DCBLD1: variants seen among roughly 807,000 people sequenced by gnomAD.
The protein encoded by DCBLD1 is discoidin, CUB and LCCL domain containing 1.
A neutral mutation model predicts 71.5 loss-of-function variants in DCBLD1; 57 were observed. The ratio of observed to expected loss-of-function variants is 0.80; its 90% CI spans 0.64 to 0.99. The LOEUF (loss-of-function observed/expected upper bound fraction) is 0.99. Ranked by LOEUF, DCBLD1 falls within the 50% of genes least tolerant of loss-of-function variation. The pLI, the probability that DCBLD1 is intolerant of heterozygous loss-of-function variation, is 0.00. For missense variants in DCBLD1, 891 were observed against 923.5 expected (o/e 0.96, Z 0.46); for synonymous variants, 380 against 363.8 (o/e 1.04, Z -0.51).
intron 1 of DCBLD1, among the ~76,000 whole-genome samples, chr6:117,488,937 G>A (rs927999051): frequency 3.3e-5 from 5 of 152,086 alleles, no homozygotes; most frequent in Non-Finnish European, 7.4e-5. Context: ...ATTTCTACTT[G>A]ATTTATTAAT....
intron 6 of DCBLD1, among the ~76,000 whole-genome samples, chr6:117,536,358 G>A (rs77106484): frequency 9.0e-4 from 137 of 152,282 alleles, no homozygotes; most frequent in Non-Finnish European, 1.5e-3. Flanking sequence ...TTCGTTCTCT[G>A]TATTTTTCAT....
At chr6:117,494,724 G>A (rs1295394404) in intron 1 of DCBLD1, 2 of 152,076 alleles carry the variant, frequency 1.3e-5, no homozygotes, top group Non-Finnish European at 2.9e-5. Context: ...TTTGAATCAA[G>A]TCACATAATA....
rs1778296377 is a variant in DCBLD1, at chr6:117,518,951, A to G, written c.326-865A>G. Reference sequence around the variant, plus strand: ...TTTCTTTTATTCTTCTTCCTTCATCATGATTGTTGTTGCCGCTGACTATTT... The same window carrying G: ...TTTCTTTTATTCTTCTTCCTTCATCGTGATTGTTGTTGCCGCTGACTATTT... On this transcript the variant is annotated intron_variant, in intron 2 of 14. Transcript: ENST00000338728. 2.0e-5 allele frequency among the ~76,000 whole-genome samples: 3 copies of G among 152,162 alleles called. No individual in the cohort carries two copies. The South Asian group carries it at 6.2e-4, about 32-fold the overall frequency.
chr6:117,529,732 G>A (rs533751494), intron 5 of DCBLD1, among the ~76,000 whole-genome samples: 1 of 152,236 alleles, frequency 6.6e-6, no homozygotes, highest in African/African-American at 2.4e-5. Context: ...ATAATAATAT[G>A]ATAGTGAGAC....
chr6:117,511,532 A>G (rs191975468), intron 2 of DCBLD1, among the ~76,000 whole-genome samples: 9 of 152,158 alleles, frequency 5.9e-5, no homozygotes, highest in Admixed American at 5.2e-4. Flanking sequence ...ATGTGAAGTC[A>G]ACTGTTAATG....
downstream of DCBLD1, among the ~76,000 whole-genome samples, chr6:117,554,070 T>C (rs192181594): frequency 3.7e-4 from 57 of 152,360 alleles, no homozygotes; most frequent in Non-Finnish European, 1.5e-4. Context: ...TGTTAGCTAT[T>C]ATATGCAGCC....
intron 2 of DCBLD1, among the ~76,000 whole-genome samples, chr6:117,510,917 G>A (rs938839737): frequency 6.6e-6 from 1 of 152,180 alleles, no homozygotes; most frequent in Non-Finnish European, 1.5e-5. Context: ...AAACCTTAGC[G>A]TTACTACCTC....
At chr6:117,550,351 G>A (rs1170549577), downstream of DCBLD1, among the ~76,000 whole-genome samples, 3 of 152,150 alleles carry the variant, frequency 2.0e-5, no homozygotes, top group Non-Finnish European at 4.4e-5. Context: ...CTAAACTAGA[G>A]GATAAGGGCA....
At chr6:117,559,450 TA>T (rs1779542037) in intron 14 of DCBLD1, among the ~76,000 whole-genome samples, 2 of 152,164 alleles carry the variant, frequency 1.3e-5, no homozygotes. Context: ...AGTCATCATA[TA>T]ATATCCCTGT....
chr6:117,561,075 A>G (rs527606152), intron 14 of DCBLD1: 2 of 223,686 alleles, frequency 8.9e-6, no homozygotes, highest in East Asian at 1.3e-4. Flanking sequence ...GCATCTGAGC[A>G]ACGGTGCTCT....
At chr6:117,513,420 C>T (rs886591643) in intron 2 of DCBLD1, among the ~76,000 whole-genome samples, 7 of 152,198 alleles carry the variant, frequency 4.6e-5, no homozygotes, top group African/African-American at 1.4e-4. Flanking sequence ...CCAAATGCCA[C>T]AGTGCTGTTC....
chr6:117,538,688 A>G lies in DCBLD1; in HGVS notation c.829A>G (p.Asn277Asp). ...IRASSSWQSV[N>D]ESGDQVHWSP... ...AGCTTCTTCCTCATGGCAGTCGGTCAATGAGAGTGGAGACCAAGTTCACTG... is the reference window on the plus strand; with the variant it reads ...AGCTTCTTCCTCATGGCAGTCGGTCGATGAGAGTGGAGACCAAGTTCACTG... The change falls in exon 8 of 15, where the codon AAT becomes GAT. Residue 277 changes from asparagine to aspartate, a missense_variant. By Grantham distance (23) the Asn-to-Asp change is conservative. Coordinates refer to ENST00000338728, the MANE Select transcript of DCBLD1 (RefSeq NM_001366458.2). 6.2e-7 allele frequency: 1 copy of G among 1,614,150 alleles called. No homozygotes were observed. The highest frequency in any genetic ancestry group is 1.3e-5 in the African/African-American group (1 of 75,020).
chr6:117,499,895 G>A (rs1777595466), intron 1 of DCBLD1, among the ~76,000 whole-genome samples: 1 of 152,232 alleles, frequency 6.6e-6, no homozygotes. Context: ...GCGCATGCCT[G>A]TAATCGCAGC....
intron 1 of DCBLD1, among the ~76,000 whole-genome samples, chr6:117,498,019 A>G (rs1010269827): frequency 2.6e-5 from 4 of 152,358 alleles, no homozygotes; most frequent in African/African-American, 9.6e-5. Context: ...CTTCTAAAAC[A>G]TGAGTAACTT....
intron 14 of DCBLD1, among the ~76,000 whole-genome samples, chr6:117,558,421 T>C (rs1359547953): frequency 6.6e-6 from 1 of 152,236 alleles, no homozygotes; most frequent in Non-Finnish European, 1.5e-5. Flanking sequence ...CCCCTCTCCA[T>C]AAGCTGGATT....
At chr6:117,487,471 A>C (rs903929748) in intron 1 of DCBLD1, among the ~76,000 whole-genome samples, 1 of 152,060 alleles carries the variant, frequency 6.6e-6, no homozygotes, top group African/African-American at 2.4e-5. Context: ...GCGAAAATAC[A>C]ATAAAACTAG....
At position 117,540,997 on chromosome 6, in the gene DCBLD1, G is replaced by T. The variant is rs773342838; in HGVS notation, c.1329G>T (p.Arg443Ser). ...AGAAAGAAGATGAGACAATCACAAGGCCCATCCCCTCGGAAGAAACATCCA... is the reference window on the plus strand; with the variant it reads ...AGAAAGAAGATGAGACAATCACAAGTCCCATCCCCTCGGAAGAAACATCCA... ...STKKEDETITRPIPSEETSTG... is the reference protein window; with the variant it reads ...STKKEDETITSPIPSEETSTG... Residue 443 changes from arginine (R) to serine (S), a missense_variant, in exon 11 of 15, where the codon AGG becomes AGT. Arg to Ser is a moderately radical substitution (Grantham distance 110). Transcript: ENST00000338728. 7 of 1,614,020 alleles carry T rather than the reference G, an allele frequency of 4.3e-6. No individual in the cohort carries two copies. The East Asian group carries it at 1.3e-4, about 31-fold the overall frequency.
chr6:117,496,153 A>G (rs1414672873), intron 1 of DCBLD1, among the ~76,000 whole-genome samples: 1 of 152,198 alleles, frequency 6.6e-6, no homozygotes, highest in Non-Finnish European at 1.5e-5. Flanking sequence ...ATTAGCATCT[A>G]TTTTATATGT....
intron 14 of DCBLD1, chr6:117,562,713 T>C (rs1362493649): frequency 2.4e-5 from 5 of 206,688 alleles, no homozygotes; most frequent in Non-Finnish European, 4.0e-5. Context: ...TCATTAATAA[T>C]TGGTTTAGAT....
Sources: allele counts gnomAD v4.1 joint callset (sites outside exome capture counted in the v4.1 genomes callset), GRCh38; gene constraint gnomAD v4.1.1; transcripts MANE v1.5; gene names NCBI Gene and HGNC (gene_info 2026-07-23, HGNC 2026-07-21).